Variants in TGM1 observed in about 807,000 individuals in gnomAD.
The protein encoded by TGM1 is protein-glutamine gamma-glutamyltransferase K.
In TGM1, 63 loss-of-function variants were observed where a neutral mutation model predicts 88.7. That is an observed-to-expected ratio of 0.71 (90% CI 0.58 to 0.88). The LOEUF is 0.88. TGM1 is among the 40% of genes least tolerant of loss of function. TGM1 has a pLI of 0.00. For synonymous variants in TGM1, 415 were observed against 431.1 expected, an observed-to-expected ratio of 0.96 and a Z score of 0.46; for missense variants, 996 against 1,118.0, an observed-to-expected ratio of 0.89 and a Z score of 1.56.
At position 24,259,310 on chromosome 14, in the gene TGM1, G is replaced by T; in HGVS notation, c.985-61C>A. On this transcript the variant is annotated intron_variant, in intron 6 of 14. Coordinates refer to ENST00000206765, the MANE Select transcript of TGM1 (RefSeq NM_000359.3). This position sits in a 1 kb window ranked among gnomAD's most constrained non-coding sequence, Gnocchi z 5.7. ...GGAGGGGCTCAGGACCTGCCATGTG[G>T]TCCATGGGGACCAGCCGGGCCCCGA... 1 of 1,528,470 alleles carries T rather than the reference G, an allele frequency of 6.5e-7. No individual in the cohort carries two copies. Among genetic ancestry groups the T allele is most frequent in the South Asian group, 1.2e-5 (1 of 85,200 alleles). The allele number at this position is 1,528,470 out of a possible 1,614,324, so 94.7% of individuals were successfully genotyped here.
rs764787488 is a variant in TGM1, at chr14:24,254,153, C to T, written c.2224G>A (p.Gly742Arg). 24 of 1,610,600 alleles carry T rather than the reference C, an allele frequency of 1.5e-5. No homozygotes were observed. In the South Asian group the frequency reaches 2.7e-4, roughly 18 times the overall value. The change falls in exon 14 of 15, where the codon GGG becomes AGG. Residue 742 changes from glycine (G) to arginine (R), a missense_variant and splice_region_variant. By Grantham distance (125) the Gly-to-Arg change is moderately radical (BLOSUM62 -2). Coordinates refer to ENST00000206765, the MANE Select transcript of TGM1 (RefSeq NM_000359.3). ...GLQRPKILNV[G>R]DIGGNETVTL... Reference sequence around the variant, plus strand: ...GGTAGGGGGAGAGGCCAGACTCACCCAACGTTGAGGATCTTGGGCCTCTGT... The same window carrying T: ...GGTAGGGGGAGAGGCCAGACTCACCTAACGTTGAGGATCTTGGGCCTCTGT...
intron 9 of TGM1, among the ~76,000 whole-genome samples, chr14:24,257,873 A>T (rs1387170759): frequency 6.6e-6 from 1 of 152,226 alleles, no homozygotes; most frequent in African/African-American, 2.4e-5. Context: ...GTTCAATTCT[A>T]TACTTTTTTT....
intron 4 of TGM1, 58 bp downstream of exon 4, chr14:24,260,392 A>G: frequency 1.2e-6 from 2 of 1,611,148 alleles, no homozygotes; most frequent in South Asian, 1.1e-5. Flanking sequence ...CGAGGGCAGG[A>G]AGCCCTTCCC....
rs1050248005 is a variant in TGM1 at position 24,249,249 on chromosome 14, T to C, written c.*64A>G. On this transcript the variant is annotated 3_prime_UTR_variant, in exon 15 of 15. Coordinates refer to ENST00000206765, the MANE Select transcript of TGM1 (RefSeq NM_000359.3). ...GCTCCTGGGGAGCTGCTCTGTAGTG[T>C]GCCCCTATCTTGGGGCAATGTCCTT... The C allele has an allele frequency of 7.2e-5, 108 of 1,490,548 alleles. No individual in the cohort carries two copies. The highest frequency in any genetic ancestry group is 9.5e-5 in the Non-Finnish European group (102 of 1,076,714). The allele number at this position is 1,490,548 out of a possible 1,614,324, so 92.3% of individuals were successfully genotyped here.
At chr14:24,254,608 T>C in intron 13 of TGM1, 56 bp downstream of exon 13, 2 of 1,612,408 alleles carry the variant, frequency 1.2e-6, no homozygotes, top group African/African-American at 2.7e-5. Context: ...CTGATGTCCT[T>C]ATCCCCTGGC....
chr14:24,255,161 C>G lies in TGM1; in HGVS notation c.1738G>C (p.Ala580Pro), dbSNP rs753278878. Reference protein sequence around the residue: ...YANRGSAEDVAMQVEAQDAVM... With the variant: ...YANRGSAEDVPMQVEAQDAVM... ...GCGTCCTGTGCCTCCACCTGCATGG[C>G]CACATCCTCCGCTGAGCCCCGGTTG... Residue 580 changes from alanine to proline, a missense_variant, in exon 12 of 15, where the codon GCC (alanine) becomes CCC (proline). Transcript: ENST00000206765. This position sits in a 1 kb window ranked among gnomAD's most constrained non-coding sequence, Gnocchi z 4.0. 9.9e-6 allele frequency: 16 copies of G among 1,613,992 alleles called. No homozygotes were observed. In the Middle Eastern group the frequency reaches 1.8e-3, roughly 182 times the overall value.
At chr14:24,262,461 A>C in intron 1 of TGM1, 107 bp from the exon 2 acceptor site, 1 of 1,219,490 alleles carries the variant, frequency 8.2e-7, no homozygotes, top group Admixed American at 2.0e-5. Context: ...TGACCGAAAC[A>C]ATCCCACCTT....
At chr14:24,261,574 C>T (rs1594573613) in intron 3 of TGM1, 121 bp downstream of exon 3, 11 of 1,277,856 alleles carry the variant, frequency 8.6e-6, no homozygotes, top group South Asian at 1.2e-5. Flanking sequence ...CTTGCACCTG[C>T]CTTATCTGGC....
At position 24,255,983 on chromosome 14, in the gene TGM1, C is replaced by T. The variant is rs758405792; in HGVS notation, c.1491+6G>A. The T allele has an allele frequency of 3.2e-6, 5 of 1,556,900 alleles. No individual in the cohort carries two copies. The highest frequency in any genetic ancestry group is 2.6e-6 in the Non-Finnish European group (3 of 1,149,500). On this transcript the variant is annotated splice_donor_region_variant and intron_variant, in intron 10 of 14. Transcript: ENST00000206765. The surrounding 1 kb of genome is among the most constrained non-coding windows in gnomAD (Gnocchi z 4.0). The stretch of plus-strand genomic sequence containing the variant: ...CCCAAGAAGGCACCTGGAGCCCAGC[C>T]CTCACCTCAGCAAAAATGAAAGGCG...
intron 13 of TGM1, 60 bp downstream of exon 13, chr14:24,254,604 T>A: frequency 6.2e-7 from 1 of 1,611,864 alleles, no homozygotes; most frequent in African/African-American, 1.3e-5. Flanking sequence ...ACCTCTGATG[T>A]CCTTATCCCC....
At chr14:24,261,674 C>A (rs930252001) in intron 3 of TGM1, 21 bp downstream of exon 3, 1 of 1,613,970 alleles carries the variant, frequency 6.2e-7, no homozygotes, top group Non-Finnish European at 8.5e-7. Flanking sequence ...CTTCACCCGT[C>A]CCAATCCAAG....
In TGM1 at chr14:24,260,503, A is replaced by T. The variant is rs1199770893; in HGVS notation, c.704T>A (p.Leu235Ter). ...RTQSDAGEFQ[L>*]PFDPRNEIYI... ...GATCTCATTGCGGGGGTCAAAGGGCAACTGGAACTCCCCAGCGTCTGATTG... is the reference window on the plus strand; with the variant it reads ...GATCTCATTGCGGGGGTCAAAGGGCTACTGGAACTCCCCAGCGTCTGATTG... Residue 235 changes from leucine (L) to a stop codon, truncating the protein, a stop_gained, in exon 4 of 15, where the codon TTG becomes TAG. Coordinates refer to ENST00000206765, the MANE Select transcript of TGM1 (RefSeq NM_000359.3). LOFTEE classifies it high-confidence loss of function. 6.2e-7 allele frequency: 1 copy of T among 1,614,060 alleles called. No individual in the cohort carries two copies. The highest frequency in any genetic ancestry group is 8.5e-7 in the Non-Finnish European group (1 of 1,180,024).
At position 24,258,268 on chromosome 14, in the gene TGM1, T is replaced by A. The variant is rs755881377; in HGVS notation, c.1402+17A>T. On this transcript the variant is annotated intron_variant, in intron 9 of 14. Transcript: ENST00000206765. ...AGATAAGCAGGGGCATGGTGGGGAG[T>A]GGGGGGCCCAGCTTACCACTGCTAG... 1.3e-6 allele frequency: 2 copies of A among 1,594,156 alleles called. No individual in the cohort carries two copies. Among genetic ancestry groups the A allele is most frequent in the East Asian group, 4.5e-5 (2 of 44,700 alleles).
chr14:24,252,462 G>A (rs921100491), intron 14 of TGM1, among the ~76,000 whole-genome samples: 5 of 152,212 alleles, frequency 3.3e-5, no homozygotes, highest in Non-Finnish European at 7.3e-5. Flanking sequence ...CTTAGGACGA[G>A]GAACCTCCCC....
intron 9 of TGM1, 22 bp downstream of exon 9, chr14:24,258,263 G>C: frequency 6.3e-7 from 1 of 1,581,724 alleles, no homozygotes; most frequent in South Asian, 1.1e-5. Flanking sequence ...GGGCATGGTG[G>C]GGAGTGGGGG....
Position 24,255,337 on chromosome 14 carries a change from G to C in TGM1, c.1645+27C>G. On this transcript the variant is annotated intron_variant, in intron 11 of 14. Coordinates refer to ENST00000206765, the MANE Select transcript of TGM1 (RefSeq NM_000359.3). This position sits in a 1 kb window ranked among gnomAD's most constrained non-coding sequence, Gnocchi z 4.0. ...GCAGGAACACTTGTTGTGGGGCCCA[G>C]AGCTGGCTGGGTTGGGGGAATGGTA... 1 of 1,614,254 alleles carries C rather than the reference G, an allele frequency of 6.2e-7. No homozygotes were observed. Among genetic ancestry groups the C allele is most frequent in the East Asian group, 2.2e-5 (1 of 44,894 alleles).
chr14:24,258,725 G>A (rs1452801977), intron 7 of TGM1, 52 bp from the exon 8 acceptor site: 1 of 1,608,648 alleles, frequency 6.2e-7, no homozygotes, highest in South Asian at 1.1e-5. Flanking sequence ...GGCAAGTGAG[G>A]CATCGTGTCA....
Position 24,259,943 on chromosome 14 carries a change from G to A in TGM1, c.873C>T (p.Gly291=), listed in dbSNP as rs1322254516. 1 of 1,614,044 alleles carries A rather than the reference G, an allele frequency of 6.2e-7. No individual in the cohort carries two copies. The highest frequency in any genetic ancestry group is 1.1e-5 in the South Asian group (1 of 91,086). The change falls in exon 5 of 15, where the codon GGC becomes GGT. Residue 291 remains glycine (G), a synonymous_variant. Coordinates refer to ENST00000206765, the MANE Select transcript of TGM1 (RefSeq NM_000359.3). The surrounding 1 kb of genome is among the most constrained non-coding windows in gnomAD (Gnocchi z 5.7). ...AQIGERTWNY[G]QFDHGVLDAC... ...ACCCTGGCCAGCCGCACCATACCTG[G>A]CCGTAGTTCCAGGTCCGCTCACCAA... is the stretch of plus-strand genomic sequence containing the variant.
rs41293944 is a variant in TGM1, at chr14:24,251,127, A to G, written c.2226-1586T>C. Among the ~76,000 whole-genome samples, 1,295 of 152,306 alleles carry G rather than the reference A, an allele frequency of 8.5e-3. 15 individuals are homozygous for G. The highest frequency in any genetic ancestry group is 0.03 in the African/African-American group (1,229 of 41,552). ...ATAAAATGGAAGTGAAAGTAAAAGG[A>G]GGAGTGGGATCTGATTATCTTGAAG... On this transcript the variant is annotated intron_variant, in intron 14 of 14. Coordinates refer to ENST00000206765, the MANE Select transcript of TGM1 (RefSeq NM_000359.3).
Sources: gnomAD v4.1 joint callset for allele counts (sites outside exome capture counted in the v4.1 genomes callset) on GRCh38, gnomAD v4.1.1 for gene constraint, Gnocchi (gnomAD v3.1) non-coding constraint, MANE v1.5 for transcripts, NCBI Gene and HGNC (gene_info 2026-07-23, HGNC 2026-07-21) for gene names.